Variants in CENPW observed in about 807,000 individuals in gnomAD.
CENPW encodes cancer-up-regulated gene 2 protein.
CENPW carries 3 observed loss-of-function variants against 11.1 expected under a neutral mutation model. The ratio of observed to expected loss-of-function variants is 0.27; its 90% CI spans 0.12 to 0.70. The LOEUF is 0.70. Ranked by LOEUF, CENPW falls within the 30% of genes least tolerant of loss-of-function variation. CENPW has a pLI of 0.77. For synonymous variants in CENPW, 38 were observed against 42.0 expected (o/e 0.91, Z 0.37); for missense variants, 100 against 105.6 (o/e 0.95, Z 0.23).
At chr6:126,392,626 C>T in the CENPW span, among the ~76,000 whole-genome samples, 1 of 151,884 alleles carries the variant, frequency 6.6e-6, no homozygotes, top group African/African-American at 2.4e-5. Flanking sequence ...TGTGTTGAAC[C>T]ATCCTTGCAT....
At chr6:126,483,099 T>C in the CENPW span, among the ~76,000 whole-genome samples, 2 of 151,974 alleles carry the variant, frequency 1.3e-5, no homozygotes, top group Non-Finnish European at 2.9e-5. Context: ...TTATTATAAA[T>C]GATTTTGCTT....
chr6:126,346,180 TC>T, intron 1 of CENPW, 24 bp from the exon 2 acceptor site: 1 of 1,414,412 alleles, frequency 7.1e-7, no homozygotes, highest in Non-Finnish European at 9.8e-7. Flanking sequence ...AGCTTAAAAA[TC>T]CACTTGGATT....
At chr6:126,452,711 A>G in the CENPW span, among the ~76,000 whole-genome samples, 1 of 151,104 alleles carries the variant, frequency 6.6e-6, no homozygotes, top group East Asian at 1.9e-4. Context: ...TACTGAAAAA[A>G]ACTTTTTGAA....
chr6:126,388,983 A>G, the CENPW span, among the ~76,000 whole-genome samples: 1 of 151,934 alleles, frequency 6.6e-6, no homozygotes, highest in Admixed American at 6.6e-5. Flanking sequence ...TTTGATGATT[A>G]TGGAGGCAGA....
chr6:126,370,146 A>C, the CENPW span, among the ~76,000 whole-genome samples: 478 of 152,310 alleles, frequency 3.1e-3, 2 homozygotes, highest in Non-Finnish European at 5.7e-3. Context: ...TATTTATACC[A>C]GTACCATGAT....
At chr6:126,458,142 T>G in the CENPW span, among the ~76,000 whole-genome samples, 9 of 151,418 alleles carry the variant, frequency 5.9e-5, no homozygotes, top group Non-Finnish European at 1.2e-4. Context: ...TCGCTTGTTT[T>G]ACTTTCCTCT....
At chr6:126,395,543 C>A in the CENPW span, among the ~76,000 whole-genome samples, 3 of 152,056 alleles carry the variant, frequency 2.0e-5, no homozygotes, top group Non-Finnish European at 4.4e-5. Flanking sequence ...GTCTTTGGTG[C>A]CTTATTTAGT....
chr6:126,382,790 G>T, the CENPW span, among the ~76,000 whole-genome samples: 4 of 152,110 alleles, frequency 2.6e-5, no homozygotes, highest in African/African-American at 7.2e-5. Context: ...ATCATGTAAA[G>T]AGACCAAGTC....
chr6:126,421,804 T>C, the CENPW span, among the ~76,000 whole-genome samples: 1 of 152,094 alleles, frequency 6.6e-6, no homozygotes, highest in African/African-American at 2.4e-5. Context: ...ATAAGATGTT[T>C]ATTGTTTTAA....
the CENPW span, among the ~76,000 whole-genome samples, chr6:126,431,126 A>G: frequency 1.3e-5 from 2 of 152,142 alleles, no homozygotes; most frequent in Non-Finnish European, 2.9e-5. Context: ...TTTATCCTAA[A>G]TATCCTTAGG....
chr6:126,481,924 A>G, the CENPW span, among the ~76,000 whole-genome samples: 1 of 152,282 alleles, frequency 6.6e-6, no homozygotes, highest in Admixed American at 6.5e-5. Flanking sequence ...AAAATTAGAT[A>G]ACAAATGATA....
At chr6:126,446,800 G>C in the CENPW span, among the ~76,000 whole-genome samples, 3 of 151,120 alleles carry the variant, frequency 2.0e-5, no homozygotes, top group Admixed American at 2.0e-4. Context: ...TTTTCTCTAT[G>C]TATTCAATAG....
chr6:126,440,548 A>G, the CENPW span, among the ~76,000 whole-genome samples: 3 of 151,586 alleles, frequency 2.0e-5, no homozygotes, highest in African/African-American at 7.3e-5. Context: ...GAATTCAACT[A>G]TAGTTCTAAT....
At chr6:126,350,343 G>A (rs749955082), downstream of CENPW, among the ~76,000 whole-genome samples, 4 of 151,908 alleles carry the variant, frequency 2.6e-5, no homozygotes, top group Non-Finnish European at 4.4e-5. Context: ...CATGGTGCCA[G>A]CACAGTCAGG....
chr6:126,399,238 C>T, the CENPW span, among the ~76,000 whole-genome samples: 4 of 152,022 alleles, frequency 2.6e-5, no homozygotes, highest in East Asian at 7.7e-4. Context: ...AACTGCTTTC[C>T]ATAGTGGCTG....
At chr6:126,404,522 T>C in the CENPW span, among the ~76,000 whole-genome samples, 1,233 of 152,196 alleles carry the variant, frequency 8.1e-3, 15 homozygotes, top group African/African-American at 0.028. Context: ...TTTGGGTATA[T>C]AAACAGTAGT....
the CENPW span, among the ~76,000 whole-genome samples, chr6:126,395,684 G>T: frequency 6.6e-6 from 1 of 152,072 alleles, no homozygotes; most frequent in Non-Finnish European, 1.5e-5. Context: ...TCTTTCTTGG[G>T]AAGACTTTCC....
the CENPW span, among the ~76,000 whole-genome samples, chr6:126,385,502 ATTAC>A: frequency 6.6e-6 from 1 of 152,132 alleles, no homozygotes. Flanking sequence ...GAGGAAATAT[ATTAC>A]TTAAACTTTA....
At chr6:126,475,409 A>C in the CENPW span, among the ~76,000 whole-genome samples, 1 of 150,972 alleles carries the variant, frequency 6.6e-6, no homozygotes, top group Admixed American at 6.7e-5. Flanking sequence ...AAATTTTTTT[A>C]AAAAAAATTT....
Sources: gnomAD v4.1 joint callset for allele counts (sites outside exome capture counted in the v4.1 genomes callset) on GRCh38, gnomAD v4.1.1 for gene constraint, MANE v1.5 for transcripts, NCBI Gene and HGNC (gene_info 2026-07-23, HGNC 2026-07-21) for gene names.